TRIM26: variants seen among roughly 807,000 people sequenced by gnomAD.
TRIM26 encodes tripartite motif-containing protein 26.
In TRIM26, 16 loss-of-function variants were observed where a neutral mutation model predicts 45.5. That is an observed-to-expected ratio of 0.35 (90% confidence interval 0.24 to 0.53). The LOEUF (loss-of-function observed/expected upper bound fraction) is 0.53, where lower values mean the gene tolerates loss of function less well. Ranked by LOEUF, TRIM26 falls within the 20% of genes least tolerant of loss-of-function variation. The pLI is 0.92. For synonymous variants in TRIM26, 273 were observed against 290.4 expected (o/e 0.94, Z 0.61); for missense variants, 442 against 691.1 (o/e 0.64, Z 4.04).
Position 30,190,309 on chromosome 6 carries a change from T to C in TRIM26, c.766-274A>G, listed in dbSNP as rs1024204909. 8 of 553,954 alleles carry C rather than the reference T, an allele frequency of 1.4e-5. No individual in the cohort carries two copies. Among genetic ancestry groups the C allele is most frequent in the Non-Finnish European group, 2.6e-5 (8 of 309,604 alleles). The allele number at this position is 553,954 out of a possible 1,614,324, so 34.3% of individuals were successfully genotyped here. ...CAGAGAATTGACGGATAAGAAGTAC[T>C]GGCCGGATGAAGAGAGGTAAGGTAA... On this transcript the variant is annotated intron_variant, in intron 6 of 9. Transcript: ENST00000454678. The surrounding 1 kb of genome is among the most constrained non-coding windows in gnomAD (Gnocchi z 4.3).
rs925333434 is a variant in TRIM26, at chr6:30,185,639, G to A, written c.*237C>T. 1.8e-6 allele frequency: 1 copy of A among 570,164 alleles called. No homozygotes were observed. Among genetic ancestry groups the A allele is most frequent in the South Asian group, 2.5e-5 (1 of 39,820 alleles). The allele number at this position is 570,164 out of a possible 1,614,324, so 35.3% of individuals were successfully genotyped here. A position where few individuals can be genotyped will look rare whatever the true frequency, so the allele number is the denominator to read the frequency against. ...GGAGCCCTCATGGACTCCAGGGTCA[G>A]AAGTTCCCTCGGGAAACCAGCAGGA... On this transcript the variant is annotated 3_prime_UTR_variant, in exon 10 of 10. Coordinates refer to ENST00000454678, the MANE Select transcript of TRIM26 (RefSeq NM_003449.5). This position sits in a 1 kb window ranked among gnomAD's most constrained non-coding sequence, Gnocchi z 5.7.
chr6:30,208,909 T>TGTGTGC (rs1379679008), intron 1 of TRIM26, among the ~76,000 whole-genome samples: 6 of 108,558 alleles, frequency 5.5e-5, no homozygotes, highest in African/African-American at 2.0e-4. Context: ...AGAATATGTG[T>TGTGTGC]GTGTGTGTGT....
rs1289624427 is a variant in TRIM26 at position 30,185,890 on chromosome 6, G to A, written c.1606C>T (p.Leu536=). 1 of 1,612,306 alleles carries A rather than the reference G, an allele frequency of 6.2e-7. No homozygotes were observed. Among genetic ancestry groups the A allele is most frequent in the Non-Finnish European group, 8.5e-7 (1 of 1,179,586 alleles). ...LWLKWPGTRL[L]LRP Reference sequence around the variant, plus strand: ...GATGTCAGGGCTCAGGGTCTTAGCAGGAGGCGTGTTCCTGGCCACTTGAGC... The same window carrying A: ...GATGTCAGGGCTCAGGGTCTTAGCAAGAGGCGTGTTCCTGGCCACTTGAGC... Residue 536 remains leucine, a synonymous_variant, in exon 10 of 10, where the codon CTG becomes TTG. Transcript: ENST00000454678. This position sits in a 1 kb window ranked among gnomAD's most constrained non-coding sequence, Gnocchi z 5.7.
rs749292037 is a variant in TRIM26 at position 30,186,209 on chromosome 6, TTCC to T, written c.1284_1286del (p.Glu432del). The stretch of plus-strand genomic sequence containing the variant: ...TGCAGCTTTCCAGAACTTCCTCCTC[TTCC>T]TCCTCCTCTTCTTCCTCTTCATCGC... On this transcript the variant is annotated inframe_deletion, in exon 10 of 10. Coordinates refer to ENST00000454678, the MANE Select transcript of TRIM26 (RefSeq NM_003449.5). The surrounding 1 kb of genome is among the most constrained non-coding windows in gnomAD (Gnocchi z 7.4). 609 of 1,596,632 alleles carry T rather than the reference TTCC, an allele frequency of 3.8e-4. No homozygotes were observed. The highest frequency in any genetic ancestry group is 1.1e-3 in the East Asian group (49 of 43,954).
Position 30,189,922 on chromosome 6 carries a change from C to A in TRIM26, c.788+91G>T. ...GGATGTGAGTACCTCTGGCACCATA[C>A]CACTCCCCATGAATTCAAATGCACC... On this transcript the variant is annotated intron_variant, in intron 7 of 9. Coordinates refer to ENST00000454678, the MANE Select transcript of TRIM26 (RefSeq NM_003449.5). The surrounding 1 kb of genome is among the most constrained non-coding windows in gnomAD (Gnocchi z 5.0). 2.0e-6 allele frequency: 3 copies of A among 1,497,798 alleles called. No individual in the cohort carries two copies. Among genetic ancestry groups the A allele is most frequent in the Non-Finnish European group, 2.8e-6 (3 of 1,076,940 alleles). 92.8% of individuals were successfully genotyped at this position (1,497,798 alleles called of 1,614,324 possible).
chr6:30,202,869 A>C (rs1273062562), intron 2 of TRIM26, among the ~76,000 whole-genome samples: 1 of 152,184 alleles, frequency 6.6e-6, no homozygotes, highest in Non-Finnish European at 1.5e-5. Flanking sequence ...AACCTTCGAA[A>C]GAACTGCTTT....
In TRIM26 at chr6:30,186,416, G is replaced by A; in HGVS notation, c.1080C>T (p.Ser360=). The A allele has an allele frequency of 6.2e-7, 1 of 1,610,428 alleles. No homozygotes were observed. Among genetic ancestry groups the A allele is most frequent in the Non-Finnish European group, 8.5e-7 (1 of 1,178,528 alleles). The change falls in exon 10 of 10, where the codon AGC becomes AGT. Residue 360 remains serine (S), a synonymous_variant. Transcript: ENST00000454678. The surrounding 1 kb of genome is among the most constrained non-coding windows in gnomAD (Gnocchi z 7.4). ...QFDCEPGVLG[S]KGFTWGKVYW... ...AGACCTTGCCCCAGGTGAAGCCCTT[G>A]CTGCCTAGCACCCCAGGCTCACAGT...
At position 30,204,736 on chromosome 6, in the gene TRIM26, A is replaced by C. The variant is rs971570; in HGVS notation, c.-346T>G. The C allele has an allele frequency of 0.23, 34,576 of 151,656 alleles. 4,437 individuals carry two copies. The highest frequency in any genetic ancestry group is 0.33 in the African/African-American group (13,697 of 41,240). The allele number at this position is 151,656 out of a possible 1,614,324, so 9.4% of individuals were successfully genotyped here. ...AACAGGTTTCCACAATAAGAGGTAAAACCATTACCCTTCTCTCCATTCCTG... is the reference window on the plus strand; with the variant it reads ...AACAGGTTTCCACAATAAGAGGTAACACCATTACCCTTCTCTCCATTCCTG... On this transcript the variant is annotated 5_prime_UTR_variant, in exon 2 of 10. Transcript: ENST00000454678.
chr6:30,208,515 CTTTTT>C (rs35809533), intron 1 of TRIM26, among the ~76,000 whole-genome samples: 81 of 128,216 alleles, frequency 6.3e-4, no homozygotes, highest in African/African-American at 2.3e-3. Flanking sequence ...AATTTTTTTC[CTTTTT>C]TTTTTTTTTT....
intron 1 of TRIM26, among the ~76,000 whole-genome samples, chr6:30,211,993 T>C (rs536736310): frequency 6.6e-6 from 1 of 152,284 alleles, no homozygotes; most frequent in African/African-American, 2.4e-5. Context: ...AAGAGGACAA[T>C]ACACGCAAAG....
At position 30,189,980 on chromosome 6, in the gene TRIM26, A is replaced by T. The variant is rs1340714706; in HGVS notation, c.788+33T>A. 1.9e-6 allele frequency: 3 copies of T among 1,612,568 alleles called. No homozygotes were observed. Among genetic ancestry groups the T allele is most frequent in the Non-Finnish European group, 2.5e-6 (3 of 1,179,716 alleles). On this transcript the variant is annotated intron_variant, in intron 7 of 9. Transcript: ENST00000454678. The surrounding 1 kb of genome is among the most constrained non-coding windows in gnomAD (Gnocchi z 5.0). Reference sequence around the variant, plus strand: ...AAGCGGGGGAACATAAACAAGGGGGATGAGGTACGCCATGGAGAGGAGACT... The same window carrying T: ...AAGCGGGGGAACATAAACAAGGGGGTTGAGGTACGCCATGGAGAGGAGACT...
chr6:30,186,711 AGT>A lies in TRIM26; in HGVS notation c.938-155_938-154del. 9.1e-7 allele frequency: 1 copy of A among 1,104,472 alleles called. No individual in the cohort carries two copies. Among genetic ancestry groups the A allele is most frequent in the Non-Finnish European group, 1.3e-6 (1 of 794,012 alleles). The allele number at this position is 1,104,472 out of a possible 1,614,324, so 68.4% of individuals were successfully genotyped here. ...AACTCAACATCCTTAATTTGGTATA[AGT>A]GTGACACATTTTCTGGCTTTGTATT... On this transcript the variant is annotated intron_variant, in intron 9 of 9. Transcript: ENST00000454678. The surrounding 1 kb of genome is among the most constrained non-coding windows in gnomAD (Gnocchi z 7.4).
At chr6:30,205,444 C>G (rs993527624) in intron 1 of TRIM26, among the ~76,000 whole-genome samples, 1 of 152,180 alleles carries the variant, frequency 6.6e-6, no homozygotes, top group Non-Finnish European at 1.5e-5. Context: ...AATACCTAAT[C>G]TGCATATGTC....
chr6:30,208,608 T>C (rs972642246), intron 1 of TRIM26, among the ~76,000 whole-genome samples: 2 of 151,846 alleles, frequency 1.3e-5, no homozygotes, highest in Non-Finnish European at 2.9e-5. Context: ...TTTTACTTAA[T>C]TGCTGCTCTC....
At position 30,185,932 on chromosome 6, in the gene TRIM26, G is replaced by A; in HGVS notation, c.1564C>T (p.Leu522=). 6.2e-7 allele frequency: 1 copy of A among 1,613,092 alleles called. No homozygotes were observed. The highest frequency in any genetic ancestry group is 8.5e-7 in the Non-Finnish European group (1 of 1,180,020). The change falls in exon 10 of 10, where the codon CTG becomes TTG. Residue 522 remains leucine (L), a synonymous_variant. Transcript: ENST00000454678. This position sits in a 1 kb window ranked among gnomAD's most constrained non-coding sequence, Gnocchi z 5.7. ...YTFTATFTRR[L]VPFLWLKWPG... ...CACTTGAGCCACAGGAAGGGGACCAGGCGCCGGGTGAAGGTGGCAGTGAAG... is the reference window on the plus strand; with the variant it reads ...CACTTGAGCCACAGGAAGGGGACCAAGCGCCGGGTGAAGGTGGCAGTGAAG...
chr6:30,196,702 C>T lies in TRIM26; in HGVS notation c.579G>A (p.Glu193=). The T allele has an allele frequency of 1.2e-6, 2 of 1,614,248 alleles. No homozygotes were observed. Among genetic ancestry groups the T allele is most frequent in the Non-Finnish European group, 1.7e-6 (2 of 1,180,046 alleles). ...DQRQYIVAEF[E]QGHQFLRERE... ...GCTCCCTCAGGAACTGATGACCCTG[C>T]TCAAACTCAGCCACAATGTACTGCC... Residue 193 remains glutamate, a synonymous_variant, in exon 6 of 10, where the codon GAG becomes GAA. Transcript: ENST00000454678. The surrounding 1 kb of genome is among the most constrained non-coding windows in gnomAD (Gnocchi z 4.9).
At chr6:30,200,971 G>A (rs1291172529) in intron 3 of TRIM26, 64 bp downstream of exon 3, 2 of 152,208 alleles carry the variant, frequency 1.3e-5, no homozygotes, top group African/African-American at 4.8e-5. Context: ...AAGAGGAAGT[G>A]AGCAGAACCA....
Position 30,198,973 on chromosome 6 carries a change from C to G in TRIM26, c.131G>C (p.Arg44Pro). Residue 44 changes from arginine to proline, a missense_variant, in exon 4 of 10, where the codon CGC becomes CCC. By Grantham distance (103) the Arg-to-Pro change is moderately radical. Transcript: ENST00000454678. This position sits in a 1 kb window ranked among gnomAD's most constrained non-coding sequence, Gnocchi z 6.3. ...GACGGGGCGGCTCCCTGAGATGGGG[C>G]GGACGTCTGTGGTGCAGCTGCGGCA... ...VFCRSCTTDVRPISGSRPVCP... is the reference protein window; with the variant it reads ...VFCRSCTTDVPPISGSRPVCP... 6.2e-7 allele frequency: 1 copy of G among 1,612,620 alleles called. No individual in the cohort carries two copies. The highest frequency in any genetic ancestry group is 8.5e-7 in the Non-Finnish European group (1 of 1,179,806).
chr6:30,192,206 G>C (rs1288885504), intron 6 of TRIM26, among the ~76,000 whole-genome samples: 2 of 152,214 alleles, frequency 1.3e-5, no homozygotes, highest in African/African-American at 4.8e-5. Context: ...TCATGAAACA[G>C]GCAGAGCCGA....
Sources: gnomAD v4.1 joint callset for allele counts (sites outside exome capture counted in the v4.1 genomes callset) on GRCh38, gnomAD v4.1.1 for gene constraint, Gnocchi (gnomAD v3.1) non-coding constraint, MANE v1.5 for transcripts, NCBI Gene and HGNC (gene_info 2026-07-23, HGNC 2026-07-21) for gene names.